Variants in KCNMA1 observed in about 807,000 individuals in gnomAD.
KCNMA1 encodes potassium calcium-activated channel subfamily M alpha 1, also known as Calcium-activated potassium channel subunit alpha-1.
In KCNMA1, 29 loss-of-function variants were observed where a neutral mutation model predicts 140.0. The ratio of observed to expected loss-of-function variants is 0.21; its 90% CI spans 0.15 to 0.28. The LOEUF is 0.28. KCNMA1 is among the 10% of genes least tolerant of loss of function. The pLI is 1.00. For synonymous variants in KCNMA1, 612 were observed against 611.9 expected (o/e 1.00, Z 0.00); for missense variants, 880 against 1,602.2 (o/e 0.55, Z 7.70).
intron 20 of KCNMA1, among the ~76,000 whole-genome samples, chr10:76,959,752 C>T (rs889643584): frequency 2.0e-5 from 3 of 152,206 alleles, no homozygotes; most frequent in Admixed American, 6.5e-5. Flanking sequence ...GCTACTAGTG[C>T]TATTACCATT....
rs143807799 is a variant in KCNMA1, at chr10:77,345,375, G to A, written c.540+58487C>T. 7.0e-3 allele frequency among the ~76,000 whole-genome samples: 1,063 copies of A among 151,698 alleles called. 14 individuals are homozygous for A. The highest frequency in any genetic ancestry group is 0.024 in the African/African-American group (1,012 of 41,484). On this transcript the variant is annotated intron_variant, in intron 2 of 27. Coordinates refer to ENST00000286628, the MANE Select transcript of KCNMA1 (RefSeq NM_001161352.2). ...TGTCAGGCTCCCCCTTTGCCAGGTG[G>A]TGCCTCCCTAATCTGAAATCATGGA...
chr10:76,965,820 G>A (rs953160379), intron 20 of KCNMA1, among the ~76,000 whole-genome samples: 2 of 152,038 alleles, frequency 1.3e-5, no homozygotes, highest in African/African-American at 4.8e-5. Flanking sequence ...ATCCAGTCTC[G>A]GTAAACCTAG....
intron 2 of KCNMA1, among the ~76,000 whole-genome samples, chr10:77,399,854 C>T (rs865870696): frequency 2.0e-5 from 3 of 152,144 alleles, no homozygotes; most frequent in African/African-American, 4.8e-5. Flanking sequence ...TAGTGAATAA[C>T]GGATGTGCTC....
At chr10:77,305,840 G>A (rs1436805892) in intron 2 of KCNMA1, among the ~76,000 whole-genome samples, 6 of 152,102 alleles carry the variant, frequency 3.9e-5, no homozygotes, top group African/African-American at 1.4e-4. Flanking sequence ...AAAATTAATA[G>A]CCTGCAAACT....
chr10:77,314,345 G>A (rs1403486186), intron 2 of KCNMA1, among the ~76,000 whole-genome samples: 1 of 152,150 alleles, frequency 6.6e-6, no homozygotes, highest in Non-Finnish European at 1.5e-5. Context: ...CAGACTGTCT[G>A]GCTGCAGGAA....
chr10:77,260,644 G>C (rs1260810887), intron 2 of KCNMA1, among the ~76,000 whole-genome samples: 4 of 152,194 alleles, frequency 2.6e-5, no homozygotes, highest in Non-Finnish European at 4.4e-5. Flanking sequence ...CAGTGGTGGA[G>C]GTTGCAGTGA....
rs766643350 is a variant in KCNMA1, at chr10:77,404,043, G to A, written c.379-20C>T. 6.2e-7 allele frequency: 1 copy of A among 1,612,874 alleles called. No individual in the cohort carries two copies. The highest frequency in any genetic ancestry group is 8.5e-7 in the Non-Finnish European group (1 of 1,179,060). The stretch of plus-strand genomic sequence containing the variant: ...GGCCTCCTGGCAACAGAGAGAGCAA[G>A]AGTTAAGACATAGGGAACAATGGAT... On this transcript the variant is annotated intron_variant, in intron 1 of 27. Coordinates refer to ENST00000286628, the MANE Select transcript of KCNMA1 (RefSeq NM_001161352.2).
intron 19 of KCNMA1, among the ~76,000 whole-genome samples, chr10:76,984,701 A>C (rs1233794385): frequency 1.4e-5 from 2 of 142,650 alleles, no homozygotes; most frequent in Admixed American, 7.3e-5. Flanking sequence ...TAGGCAATCC[A>C]ATCTCAGTGC....
At chr10:77,477,239 T>C (rs1239782394) in intron 1 of KCNMA1, among the ~76,000 whole-genome samples, 1 of 152,200 alleles carries the variant, frequency 6.6e-6, no homozygotes. Context: ...TAACTCCTTA[T>C]CATAACACGA....
rs150811656 is a variant in KCNMA1 at position 77,273,585 on chromosome 10, C to T, written c.541-22329G>A. Among the ~76,000 whole-genome samples the T allele has an allele frequency of 9.2e-5, 14 of 152,060 alleles. No individual in the cohort carries two copies. In the East Asian group the frequency reaches 1.7e-3, roughly 19 times the overall value. On this transcript the variant is annotated intron_variant, in intron 2 of 27. Coordinates refer to ENST00000286628, the MANE Select transcript of KCNMA1 (RefSeq NM_001161352.2). ...ATAAGATTTTAATGTCAAATTGAAA[C>T]AATAGAAAACATGGTCCAAAACAAG...
intron 8 of KCNMA1, among the ~76,000 whole-genome samples, chr10:77,109,935 C>T (rs751379599): frequency 1.2e-4 from 19 of 152,238 alleles, no homozygotes; most frequent in African/African-American, 4.1e-4. Context: ...TAGGTTTGCT[C>T]CTGGCTAAAT....
intron 21 of KCNMA1, chr10:76,952,162 G>C (rs2066516544): frequency 6.4e-7 from 1 of 1,551,320 alleles, no homozygotes; most frequent in African/African-American, 1.4e-5. Context: ...CCTGTGACCT[G>C]CCACAAGTGG....
At chr10:77,091,372 T>C (rs1469137440) in intron 9 of KCNMA1, 1 of 152,250 alleles carries the variant, frequency 6.6e-6, no homozygotes, top group East Asian at 1.9e-4. Flanking sequence ...CCCACAACTG[T>C]TGAGACTGAC....
At chr10:77,550,797 C>T (rs2062643598) in intron 1 of KCNMA1, among the ~76,000 whole-genome samples, 1 of 152,144 alleles carries the variant, frequency 6.6e-6, no homozygotes, top group African/African-American at 2.4e-5. Context: ...GAAAATAAGA[C>T]TCTGAGGTTG....
intron 2 of KCNMA1, among the ~76,000 whole-genome samples, chr10:77,383,981 G>C (rs1186770485): frequency 6.6e-6 from 1 of 152,248 alleles, no homozygotes; most frequent in African/African-American, 2.4e-5. Flanking sequence ...AGGGACAGCA[G>C]CATGCTGTAT....
intron 5 of KCNMA1, among the ~76,000 whole-genome samples, chr10:77,130,724 A>G (rs2097842788): frequency 6.6e-6 from 1 of 152,186 alleles, no homozygotes; most frequent in Admixed American, 6.5e-5. Context: ...ATGGAAGAGG[A>G]GATTACAACA....
chr10:77,008,078 A>G (rs955174397), intron 18 of KCNMA1: 28 of 1,169,052 alleles, frequency 2.4e-5, no homozygotes, highest in Non-Finnish European at 3.3e-5. Flanking sequence ...CATAAATACC[A>G]AAAGTAAAAG....
chr10:77,291,338 C>T (rs894661596), intron 2 of KCNMA1, among the ~76,000 whole-genome samples: 5 of 152,148 alleles, frequency 3.3e-5, no homozygotes, highest in Non-Finnish European at 7.3e-5. Context: ...ATGGGAAAAA[C>T]TGTTGCAGCT....
chr10:77,285,389 C>G (rs188499619), intron 2 of KCNMA1, among the ~76,000 whole-genome samples: 14 of 151,940 alleles, frequency 9.2e-5, no homozygotes, highest in African/African-American at 3.4e-4. Context: ...GCAATCCAAA[C>G]TTTGAGAGAA....
Sources: allele counts gnomAD v4.1 joint callset (sites outside exome capture counted in the v4.1 genomes callset), GRCh38; gene constraint gnomAD v4.1.1; transcripts MANE v1.5; gene names NCBI Gene and HGNC (gene_info 2026-07-23, HGNC 2026-07-21).